DENND5A: variants seen among roughly 807,000 people sequenced by gnomAD.
DENND5A encodes the protein DENN domain-containing protein 5A.
A neutral mutation model predicts 140.3 loss-of-function variants in DENND5A; 64 were observed. The ratio of observed to expected loss-of-function variants is 0.46; its 90% CI spans 0.37 to 0.56. The LOEUF (loss-of-function observed/expected upper bound fraction) is 0.56, where lower values mean the gene tolerates loss of function less well. DENND5A is among the 20% of genes least tolerant of loss of function. The probability of loss-of-function intolerance (pLI) is 0.00; values close to 1 mark genes in which losing one functional copy is unlikely to be tolerated. For synonymous variants in DENND5A, 605 were observed against 607.7 expected, an observed-to-expected ratio of 1.00 and a Z score of 0.07; for missense variants, 1,292 against 1,593.8, an observed-to-expected ratio of 0.81 and a Z score of 3.22.
intron 1 of DENND5A, among the ~76,000 whole-genome samples, chr11:9,251,933 G>A (rs1057035524): frequency 6.6e-6 from 1 of 151,484 alleles, no homozygotes; most frequent in Non-Finnish European, 1.5e-5. Context: ...AGCTTGCAGT[G>A]AGCCGAGATG....
chr11:9,232,543 C>T (rs1251178002), intron 1 of DENND5A, among the ~76,000 whole-genome samples: 1 of 152,024 alleles, frequency 6.6e-6, no homozygotes, highest in African/African-American at 2.4e-5. Context: ...ATATAACCAC[C>T]AGAATAGCTA....
intron 12 of DENND5A, among the ~76,000 whole-genome samples, 200 bp downstream of exon 12, chr11:9,160,513 A>G (rs1847943889): frequency 6.6e-6 from 1 of 152,262 alleles, no homozygotes; most frequent in African/African-American, 2.4e-5. Flanking sequence ...AAAGTCTGAC[A>G]AACACACAGA....
intron 5 of DENND5A, among the ~76,000 whole-genome samples, chr11:9,193,068 TA>T (rs1849194986): frequency 6.6e-6 from 1 of 151,352 alleles, no homozygotes; most frequent in South Asian, 2.1e-4. Flanking sequence ...CTACAAGACA[TA>T]AAAAAACAAT....
At position 9,223,726 on chromosome 11, in the gene DENND5A, G is replaced by A. The variant is rs149674397; in HGVS notation, c.110-16094C>T. ...AGAGCAAGCAAGAGAGAAAAAAAGC[G>A]TAACATCTGACAGTGGTACCTGGGA... On this transcript the variant is annotated intron_variant, in intron 1 of 22. Transcript: ENST00000328194. 3.8e-4 allele frequency among the ~76,000 whole-genome samples: 58 copies of A among 152,150 alleles called. No individual in the cohort carries two copies. The East Asian group carries it at 7.7e-3, about 20-fold the overall frequency.
intron 22 of DENND5A, 33 bp downstream of exon 22, chr11:9,141,907 C>T (rs755233839): frequency 1.5e-5 from 23 of 1,533,930 alleles, no homozygotes; most frequent in East Asian, 7.0e-5. Context: ...CAAGGCTAAC[C>T]GCTGTGCACT....
At chr11:9,155,725 A>T (rs1847779544) in intron 12 of DENND5A, among the ~76,000 whole-genome samples, 1 of 152,256 alleles carries the variant, frequency 6.6e-6, no homozygotes, top group Non-Finnish European at 1.5e-5. Flanking sequence ...CCTAAATGGC[A>T]GCAGTTACAA....
intron 5 of DENND5A, among the ~76,000 whole-genome samples, chr11:9,190,603 T>G (rs927389502): frequency 2.6e-5 from 4 of 152,136 alleles, no homozygotes; most frequent in African/African-American, 9.7e-5. Context: ...CCATTAAACC[T>G]CTTTCTTTTG....
intron 1 of DENND5A, among the ~76,000 whole-genome samples, chr11:9,261,038 TAAG>T (rs1852173465): frequency 6.6e-6 from 1 of 151,976 alleles, no homozygotes; most frequent in South Asian, 2.1e-4. Flanking sequence ...TCTGTAGAGA[TAAG>T]AGTCTTGCCG....
intron 5 of DENND5A, among the ~76,000 whole-genome samples, chr11:9,192,661 C>A (rs1849175649): frequency 6.6e-6 from 1 of 151,136 alleles, no homozygotes; most frequent in African/African-American, 2.4e-5. Context: ...AAAAAAAACT[C>A]TACCCCCAAA....
intron 17 of DENND5A, 110 bp downstream of exon 17, chr11:9,145,560 A>G (rs944312479): frequency 1.4e-4 from 159 of 1,174,960 alleles, no homozygotes; most frequent in Non-Finnish European, 2.6e-5. Context: ...GCTATGCTGA[A>G]GCATTACACT....
intron 1 of DENND5A, among the ~76,000 whole-genome samples, chr11:9,260,403 A>C (rs1339476713): frequency 6.6e-6 from 1 of 152,178 alleles, no homozygotes; most frequent in Non-Finnish European, 1.5e-5. Flanking sequence ...AACAAAGAAA[A>C]AGAAGATTCA....
rs146052985 is a variant in DENND5A at position 9,202,589 on chromosome 11, C to A, written c.949+1071G>T. On this transcript the variant is annotated intron_variant, in intron 4 of 22. Coordinates refer to ENST00000328194, the MANE Select transcript of DENND5A (RefSeq NM_015213.4). The stretch of plus-strand genomic sequence containing the variant: ...AATAAAAAGTAAAAAAAATTGAAAA[C>A]TCTGATGGCTATCTAAGAGCCATTT... 2.9e-3 allele frequency among the ~76,000 whole-genome samples: 441 copies of A among 152,258 alleles called. 2 individuals are homozygous for A. The highest frequency in any genetic ancestry group is 0.01 in the African/African-American group (419 of 41,550).
At chr11:9,153,270 G>C (rs1002369871) in intron 12 of DENND5A, among the ~76,000 whole-genome samples, 1 of 149,136 alleles carries the variant, frequency 6.7e-6, no homozygotes, top group Non-Finnish European at 1.5e-5. Flanking sequence ...AGTTGAACCT[G>C]GGGGGCAGAG....
At chr11:9,255,284 G>A (rs1184890274) in intron 1 of DENND5A, among the ~76,000 whole-genome samples, 1 of 152,128 alleles carries the variant, frequency 6.6e-6, no homozygotes, top group African/African-American at 2.4e-5. Context: ...CAGACTGGCA[G>A]GCAGTCTCTC....
At chr11:9,160,924 G>T in intron 11 of DENND5A, 59 bp from the exon 12 acceptor site, 1 of 1,563,648 alleles carries the variant, frequency 6.4e-7, no homozygotes, top group South Asian at 1.1e-5. Context: ...ACATACAACC[G>T]GAGAGGGTTC....
intron 1 of DENND5A, among the ~76,000 whole-genome samples, chr11:9,230,005 C>T (rs1276344361): frequency 2.0e-5 from 3 of 147,122 alleles, no homozygotes; most frequent in African/African-American, 5.0e-5. Context: ...CCCGGGTTCA[C>T]GCCATTCTCC....
chr11:9,172,869 G>A (rs1159758758), intron 8 of DENND5A, among the ~76,000 whole-genome samples: 1 of 152,040 alleles, frequency 6.6e-6, no homozygotes, highest in Non-Finnish European at 1.5e-5. Flanking sequence ...GGGCTAGAGT[G>A]CTGTGGTGTG....
intron 5 of DENND5A, among the ~76,000 whole-genome samples, chr11:9,182,125 G>A (rs551895281): frequency 1.2e-4 from 18 of 152,194 alleles, no homozygotes; most frequent in Admixed American, 3.9e-4. Context: ...AGACCAGACT[G>A]GCCAACATGG....
chr11:9,250,769 C>T (rs1851683232), intron 1 of DENND5A, among the ~76,000 whole-genome samples: 4 of 152,204 alleles, frequency 2.6e-5, no homozygotes, highest in Non-Finnish European at 5.9e-5. Flanking sequence ...CTAGCTCTGA[C>T]ATTTTTTGAT....
Sources: gnomAD v4.1 joint callset for allele counts (sites outside exome capture counted in the v4.1 genomes callset) on GRCh38, gnomAD v4.1.1 for gene constraint, MANE v1.5 for transcripts, NCBI Gene and HGNC (gene_info 2026-07-23, HGNC 2026-07-21) for gene names.